Variants in EML1 observed in about 807,000 individuals in gnomAD.
The protein encoded by EML1 is EMAP like 1.
A neutral mutation model predicts 110.4 loss-of-function variants in EML1; 27 were observed. That is an observed-to-expected ratio of 0.24 (90% confidence interval 0.18 to 0.34). The LOEUF is 0.34. Among genes scored for constraint, EML1 ranks in the 10% least tolerant of loss-of-function variants. The pLI, the probability that EML1 is intolerant of heterozygous loss-of-function variation, is 1.00. For missense variants in EML1, 741 were observed against 1,030.9 expected, an observed-to-expected ratio of 0.72 and a Z score of 3.85; for synonymous variants, 344 against 385.8, an observed-to-expected ratio of 0.89 and a Z score of 1.27.
intron 1 of EML1, among the ~76,000 whole-genome samples, chr14:99,786,487 T>A (rs1323215574): frequency 6.6e-6 from 1 of 152,200 alleles, no homozygotes; most frequent in Non-Finnish European, 1.5e-5. Context: ...GACAGACTTG[T>A]ACACAAGTTC....
At chr14:99,813,528 C>T (rs1180483145) in intron 1 of EML1, among the ~76,000 whole-genome samples, 1 of 151,968 alleles carries the variant, frequency 6.6e-6, no homozygotes, top group African/African-American at 2.4e-5. Flanking sequence ...CAGCCTAGGT[C>T]GCATAGTGAG....
Position 99,808,565 on chromosome 14 carries a change from T to G in EML1, c.67+15022T>G, listed in dbSNP as rs140840356. Among the ~76,000 whole-genome samples the G allele has an allele frequency of 3.0e-4, 45 of 152,298 alleles. No individual in the cohort carries two copies. The East Asian group carries it at 5.0e-3, about 17-fold the overall frequency. On this transcript the variant is annotated intron_variant, in intron 1 of 21. Transcript: ENST00000262233. ...CGTATTTAGTGAAAAACAATATATATTATTTAATTTTGTTTATTTTTCTAT... is the reference window on the plus strand; with the variant it reads ...CGTATTTAGTGAAAAACAATATATAGTATTTAATTTTGTTTATTTTTCTAT...
intron 1 of EML1, chr14:99,838,992 G>C (rs889842557): frequency 1.3e-5 from 2 of 151,658 alleles, no homozygotes; most frequent in Non-Finnish European, 2.9e-5. Flanking sequence ...AAGTCTCCAG[G>C]GCTCCACAGG....
intron 1 of EML1, among the ~76,000 whole-genome samples, chr14:99,782,478 T>C (rs1484086664): frequency 6.6e-6 from 1 of 152,154 alleles, no homozygotes; most frequent in Non-Finnish European, 1.5e-5. Flanking sequence ...TGGTGCATTG[T>C]TCCCCATTGT....
chr14:99,844,671 A>T (rs1223406353), intron 1 of EML1, among the ~76,000 whole-genome samples: 4 of 152,120 alleles, frequency 2.6e-5, no homozygotes, highest in Non-Finnish European at 4.4e-5. Context: ...TTACCTTCAA[A>T]ATTCCCTTGT....
chr14:99,934,399 G>A (rs980865022), intron 17 of EML1, among the ~76,000 whole-genome samples: 3 of 152,162 alleles, frequency 2.0e-5, no homozygotes, highest in Admixed American at 6.5e-5. Flanking sequence ...GTCTTACATC[G>A]CCCCTATTTT....
intron 1 of EML1, among the ~76,000 whole-genome samples, chr14:99,795,403 A>G (rs2057752108): frequency 2.0e-5 from 3 of 152,234 alleles, no homozygotes; most frequent in African/African-American, 7.2e-5. Flanking sequence ...AAACAATAAG[A>G]TCACTTTATA....
chr14:99,843,578 G>A (rs1407943352), intron 1 of EML1, among the ~76,000 whole-genome samples: 1 of 152,152 alleles, frequency 6.6e-6, no homozygotes, highest in Non-Finnish European at 1.5e-5. Flanking sequence ...TATACATAGA[G>A]GCAGATAGAG....
intron 1 of EML1, among the ~76,000 whole-genome samples, chr14:99,825,917 T>TTTG (rs1312522139): frequency 1.3e-5 from 2 of 152,106 alleles, no homozygotes; most frequent in African/African-American, 4.8e-5. Context: ...AAGCAGGGAC[T>TTTG]TTTTACAAAG....
At chr14:99,839,426 C>T (rs756951945) in intron 1 of EML1, among the ~76,000 whole-genome samples, 1 of 152,170 alleles carries the variant, frequency 6.6e-6, no homozygotes, top group Non-Finnish European at 1.5e-5. Context: ...TTGCCCGGCA[C>T]TAGGTCTGCC....
chr14:99,871,005 G>A (rs1285199223), intron 3 of EML1, among the ~76,000 whole-genome samples: 1 of 151,866 alleles, frequency 6.6e-6, no homozygotes, highest in African/African-American at 2.4e-5. Context: ...CACCCAGGCT[G>A]GAGTGCAGTG....
At chr14:99,929,327 G>A (rs1276023186) in intron 17 of EML1, among the ~76,000 whole-genome samples, 1 of 152,204 alleles carries the variant, frequency 6.6e-6, no homozygotes, top group Non-Finnish European at 1.5e-5. Context: ...TGAAAGAAGT[G>A]TGAATGAGTT....
intron 1 of EML1, among the ~76,000 whole-genome samples, chr14:99,844,595 T>C (rs1302581072): frequency 6.6e-6 from 1 of 152,236 alleles, no homozygotes; most frequent in Non-Finnish European, 1.5e-5. Context: ...TTTGAGATAA[T>C]TCTATGTGTT....
At chr14:99,897,428 T>A in intron 7 of EML1, 134 bp downstream of exon 7, 1 of 961,540 alleles carries the variant, frequency 1.0e-6, no homozygotes, top group South Asian at 2.2e-5. Flanking sequence ...TAAATGTGAT[T>A]CCTGTTGCAC....
At chr14:99,842,440 C>T (rs1428824043) in intron 1 of EML1, among the ~76,000 whole-genome samples, 1 of 148,158 alleles carries the variant, frequency 6.7e-6, no homozygotes, top group Admixed American at 6.9e-5. Flanking sequence ...AGATTAATTA[C>T]CTGCAGAAAC....
At chr14:99,779,300 G>A (rs189783939) in intron 1 of EML1, among the ~76,000 whole-genome samples, 130 of 151,774 alleles carry the variant, frequency 8.6e-4, no homozygotes, top group African/African-American at 2.9e-3. Flanking sequence ...GTATTTCTAC[G>A]GCCATATTTT....
chr14:99,869,001 GT>G (rs1171121911), intron 3 of EML1, among the ~76,000 whole-genome samples: 3 of 151,968 alleles, frequency 2.0e-5, no homozygotes, highest in African/African-American at 7.3e-5. Context: ...GGTATGTTGT[GT>G]TTTCATATGT....
chr14:99,798,886 A>C (rs1337316875), intron 1 of EML1, among the ~76,000 whole-genome samples: 1 of 152,194 alleles, frequency 6.6e-6, no homozygotes, highest in African/African-American at 2.4e-5. Flanking sequence ...TCAGATTACA[A>C]CACCATTATA....
rs563246544 is a variant in EML1, at chr14:99,755,858, G to C, written c.28+17998G>C. On this transcript the variant is annotated intron_variant, in intron 1 of 10. Coordinates refer to the EML1 transcript ENST00000554479. Reference sequence around the variant, plus strand: ...TGGCCTGAGGAGGCAGGGGGCAGGAGCCTGGCCCTGGACCCACCCTGGAGC... The same window carrying C: ...TGGCCTGAGGAGGCAGGGGGCAGGACCCTGGCCCTGGACCCACCCTGGAGC... Among the ~76,000 whole-genome samples the C allele has an allele frequency of 3.2e-3, 493 of 152,256 alleles. 1 individual carries two copies. Among genetic ancestry groups the C allele is most frequent in the African/African-American group, 0.011 (473 of 41,560 alleles).
Sources: allele counts gnomAD v4.1 joint callset (sites outside exome capture counted in the v4.1 genomes callset), GRCh38; gene constraint gnomAD v4.1.1; transcripts MANE v1.5; gene names NCBI Gene and HGNC (gene_info 2026-07-23, HGNC 2026-07-21).